Variants in KCNN2 observed in about 807,000 individuals in gnomAD.
KCNN2 encodes potassium calcium-activated channel subfamily N member 2.
A neutral mutation model predicts 55.5 loss-of-function variants in KCNN2; 24 were observed. The observed-to-expected ratio is 0.43, with a 90% CI of 0.31 to 0.61. The LOEUF (loss-of-function observed/expected upper bound fraction) is 0.61. KCNN2 is among the 20% of genes least tolerant of loss of function. KCNN2 has a pLI of 0.08. For synonymous variants in KCNN2, 431 were observed against 336.1 expected (o/e 1.28, Z -3.09); for missense variants, 754 against 853.6 (o/e 0.88, Z 1.45).
chr5:114,161,627 G>A (rs1005698344), intron 1 of KCNN2, among the ~76,000 whole-genome samples: 5 of 152,142 alleles, frequency 3.3e-5, no homozygotes, highest in African/African-American at 7.2e-5. Context: ...TCCCCATCAC[G>A]TTCAGGTACA....
chr5:114,179,164 T>G (rs1044589302), intron 1 of KCNN2, among the ~76,000 whole-genome samples: 13 of 152,332 alleles, frequency 8.5e-5, no homozygotes, highest in South Asian at 6.2e-4. Flanking sequence ...AATATGGATA[T>G]GGCTTAACTA....
chr5:114,432,230 G>A (rs1759819948), intron 3 of KCNN2, among the ~76,000 whole-genome samples: 1 of 152,130 alleles, frequency 6.6e-6, no homozygotes, highest in African/African-American at 2.4e-5. Context: ...ATCAGCTTTT[G>A]CTTTATATAT....
intron 3 of KCNN2, among the ~76,000 whole-genome samples, chr5:114,414,086 A>G (rs948415622): frequency 2.0e-5 from 3 of 152,180 alleles, no homozygotes; most frequent in East Asian, 1.9e-4. Flanking sequence ...AGTGCTTCCT[A>G]CTTCCTGCTG....
In KCNN2 at chr5:114,363,213, C is replaced by T. The variant is rs746024957; in HGVS notation, c.1074C>T (p.Ile358=). 2.5e-6 allele frequency: 4 copies of T among 1,613,298 alleles called. No homozygotes were observed. The highest frequency in any genetic ancestry group is 1.7e-4 in the Middle Eastern group (1 of 6,058). The change falls in exon 1 of 8, where the codon ATC becomes ATT. Residue 358 remains isoleucine, a synonymous_variant. Coordinates refer to ENST00000673685, the MANE Select transcript of KCNN2 (RefSeq NM_021614.4). ...DYALIFGMFG[I]VVMVIETELS... ...CGCTCATCTTCGGCATGTTCGGCAT[C>T]GTGGTCATGGTCATCGAGACCGAGC...
chr5:114,231,808 C>G (rs1411507709), intron 2 of KCNN2, among the ~76,000 whole-genome samples: 1 of 149,962 alleles, frequency 6.7e-6, no homozygotes, highest in Non-Finnish European at 1.5e-5. Flanking sequence ...GACTTAATCA[C>G]TTCTATCCTT....
intron 1 of KCNN2, among the ~76,000 whole-genome samples, chr5:114,182,574 A>T (rs1753261072): frequency 1.3e-5 from 2 of 152,114 alleles, no homozygotes; most frequent in African/African-American, 4.8e-5. Flanking sequence ...TTTTTAGTAT[A>T]GAGGATTTTT....
intron 1 of KCNN2, among the ~76,000 whole-genome samples, chr5:114,125,529 T>G (rs2112603407): frequency 6.6e-6 from 1 of 152,266 alleles, no homozygotes; most frequent in Middle Eastern, 3.4e-3. Context: ...ACTCTACAAC[T>G]TCCTAAAAAA....
chr5:114,184,224 TA>T (rs1753288504), intron 1 of KCNN2, among the ~76,000 whole-genome samples: 1 of 152,164 alleles, frequency 6.6e-6, no homozygotes, highest in South Asian at 2.1e-4. Flanking sequence ...GCCTAGCTGA[TA>T]AATCAGTGCT....
chr5:114,190,488 AT>A (rs1352662624), intron 1 of KCNN2, among the ~76,000 whole-genome samples: 1 of 152,198 alleles, frequency 6.6e-6, no homozygotes, highest in Non-Finnish European at 1.5e-5. Context: ...GTGTAATGCC[AT>A]TTATTTACAT....
At chr5:114,149,247 A>C (rs2112515195) in intron 1 of KCNN2, among the ~76,000 whole-genome samples, 1 of 152,250 alleles carries the variant, frequency 6.6e-6, no homozygotes, top group Non-Finnish European at 1.5e-5. Flanking sequence ...AGAGTCAGAA[A>C]AGGTGTACCT....
chr5:114,238,077 A>G (rs1754540994), intron 2 of KCNN2, among the ~76,000 whole-genome samples: 1 of 152,168 alleles, frequency 6.6e-6, no homozygotes, highest in African/African-American at 2.4e-5. Context: ...GAATATCTGG[A>G]CTCAGTAAGT....
At chr5:114,066,868 C>A (rs745852840) in intron 1 of KCNN2, among the ~76,000 whole-genome samples, 4 of 152,136 alleles carry the variant, frequency 2.6e-5, no homozygotes, top group Non-Finnish European at 4.4e-5. Flanking sequence ...CGTGAGCCAC[C>A]GTGCCTGGCT....
chr5:114,190,732 T>G (rs185727966), intron 1 of KCNN2, among the ~76,000 whole-genome samples: 6 of 152,202 alleles, frequency 3.9e-5, no homozygotes, highest in Non-Finnish European at 8.8e-5. Context: ...TTAAAAAATA[T>G]ATCAGTATGT....
At chr5:114,127,999 G>T (rs1751973803) in intron 1 of KCNN2, among the ~76,000 whole-genome samples, 1 of 152,006 alleles carries the variant, frequency 6.6e-6, no homozygotes, top group South Asian at 2.1e-4. Flanking sequence ...AAGCATTTTG[G>T]CCAAAGCCAC....
At chr5:114,174,399 T>A (rs542741580) in intron 1 of KCNN2, among the ~76,000 whole-genome samples, 2 of 152,248 alleles carry the variant, frequency 1.3e-5, no homozygotes, top group East Asian at 3.9e-4. Flanking sequence ...TTATAGAATT[T>A]GGCATTAGTC....
chr5:114,109,140 C>T (rs1751544704), intron 1 of KCNN2, among the ~76,000 whole-genome samples: 1 of 152,020 alleles, frequency 6.6e-6, no homozygotes, highest in Non-Finnish European at 1.5e-5. Flanking sequence ...GGATGTGTTT[C>T]CAAGCTTGTA....
chr5:114,363,328 G>A, intron 1 of KCNN2, 67 bp downstream of exon 1: 1 of 1,467,258 alleles, frequency 6.8e-7, no homozygotes, highest in Non-Finnish European at 9.0e-7. Context: ...GGGCACTGGC[G>A]GGGACCCTTT....
chr5:114,056,635 A>C (rs981599410), intron 1 of KCNN2: 16 of 389,452 alleles, frequency 4.1e-5, no homozygotes, highest in African/African-American at 3.3e-4. Flanking sequence ...TTTCTCCAGC[A>C]CCCACTCATA....
intron 1 of KCNN2, among the ~76,000 whole-genome samples, chr5:114,085,770 C>T (rs1580498155): frequency 6.6e-6 from 1 of 152,060 alleles, no homozygotes; most frequent in Non-Finnish European, 1.5e-5. Context: ...TTAAAAGTCT[C>T]CTTTATATTT....
Sources: allele counts gnomAD v4.1 joint callset (sites outside exome capture counted in the v4.1 genomes callset), GRCh38; gene constraint gnomAD v4.1.1; transcripts MANE v1.5; gene names NCBI Gene and HGNC (gene_info 2026-07-23, HGNC 2026-07-21).